Variants in MDGA2 observed in about 807,000 individuals in gnomAD.
MDGA2 encodes the protein MAM domain containing glycosylphosphatidylinositol anchor 2.
In MDGA2, 40 loss-of-function variants were observed where a neutral mutation model predicts 117.8. The ratio of observed to expected loss-of-function variants is 0.34; its 90% confidence interval spans 0.26 to 0.44. The LOEUF (loss-of-function observed/expected upper bound fraction) is 0.44, where lower values mean the gene tolerates loss of function less well. MDGA2 is among the 20% of genes least tolerant of loss of function. The pLI, the probability that MDGA2 is intolerant of heterozygous loss-of-function variation, is 1.00. For missense variants in MDGA2, 1,123 were observed against 1,250.6 expected, an observed-to-expected ratio of 0.90 and a Z score of 1.54; for synonymous variants, 452 against 439.0, an observed-to-expected ratio of 1.03 and a Z score of -0.37.
At chr14:47,348,972 G>A (rs962568293) in intron 1 of MDGA2, among the ~76,000 whole-genome samples, 12 of 152,098 alleles carry the variant, frequency 7.9e-5, no homozygotes, top group African/African-American at 2.9e-4. Context: ...TGAAAGGATG[G>A]AAAAAATAAA....
At chr14:47,411,072 A>G (rs980489552) in intron 1 of MDGA2, among the ~76,000 whole-genome samples, 2 of 152,166 alleles carry the variant, frequency 1.3e-5, no homozygotes, top group African/African-American at 4.8e-5. Context: ...TTTCCTATAG[A>G]CAGGTACATC....
intron 1 of MDGA2, among the ~76,000 whole-genome samples, chr14:47,642,649 G>GTATC (rs147439757): frequency 8.6e-5 from 13 of 151,874 alleles, no homozygotes; most frequent in African/African-American, 2.4e-4. Context: ...CCCTATCTAT[G>GTATC]TATCTATCTA....
chr14:46,916,616 T>C (rs1186414348), intron 10 of MDGA2, among the ~76,000 whole-genome samples: 1 of 152,148 alleles, frequency 6.6e-6, no homozygotes, highest in African/African-American at 2.4e-5. Flanking sequence ...AGATGTTTTA[T>C]GCAAGAGTTC....
At chr14:46,943,317 A>G (rs751254748) in intron 9 of MDGA2, among the ~76,000 whole-genome samples, 3 of 151,918 alleles carry the variant, frequency 2.0e-5, no homozygotes, top group Non-Finnish European at 4.4e-5. Context: ...TGTATCTTGT[A>G]GATAGTGCAT....
At chr14:47,074,031 CACAGT>C (rs1890392608) in intron 6 of MDGA2, among the ~76,000 whole-genome samples, 1 of 152,068 alleles carries the variant, frequency 6.6e-6, no homozygotes, top group Non-Finnish European at 1.5e-5. Flanking sequence ...AATTTTTCCT[CACAGT>C]AAAGTCTTTC....
In MDGA2 at chr14:47,161,921, C is replaced by T. The variant is rs567296281; in HGVS notation, c.596-17647G>A. On this transcript the variant is annotated intron_variant, in intron 3 of 16. Transcript: ENST00000399232. ...CATTAGATTTAAACACCCCCCTCCC[C>T]AGATCCTTTTTTTTTTTTTTTTTTT... Among the ~76,000 whole-genome samples, 15 of 138,442 alleles carry T rather than the reference C, an allele frequency of 1.1e-4. No individual in the cohort carries two copies. In the East Asian group the frequency reaches 2.6e-3, roughly 24 times the overall value. 90.8% of individuals were successfully genotyped at this position (138,442 alleles called of 152,430 possible).
chr14:47,600,363 G>A (rs908054838), intron 1 of MDGA2, among the ~76,000 whole-genome samples: 2 of 151,968 alleles, frequency 1.3e-5, no homozygotes, highest in Admixed American at 1.3e-4. Flanking sequence ...GAATCCGGGA[G>A]ACAGAGTTTG....
intron 1 of MDGA2, among the ~76,000 whole-genome samples, chr14:47,427,724 G>A (rs774916642): frequency 4.6e-5 from 7 of 151,992 alleles, no homozygotes; most frequent in Admixed American, 4.6e-4. Context: ...TCCTCAAGTG[G>A]TGAATTTGTT....
intron 5 of MDGA2, among the ~76,000 whole-genome samples, chr14:47,128,720 A>C (rs1882032486): frequency 6.9e-6 from 1 of 145,324 alleles, no homozygotes; most frequent in African/African-American, 2.6e-5. Flanking sequence ...TTTTTGAGAC[A>C]GTCTCTCACT....
intron 2 of MDGA2, among the ~76,000 whole-genome samples, chr14:47,241,178 TGTAACTA>T (rs1887026580): frequency 1.3e-5 from 2 of 151,934 alleles, no homozygotes; most frequent in Non-Finnish European, 2.9e-5. Flanking sequence ...TTAAAACAAG[TGTAACTA>T]ATTCAACTCT....
At chr14:47,068,689 C>G (rs970412786) in intron 6 of MDGA2, among the ~76,000 whole-genome samples, 8 of 152,058 alleles carry the variant, frequency 5.3e-5, no homozygotes, top group Middle Eastern at 3.4e-3. Flanking sequence ...TTATTAGTTG[C>G]TAAAGACCTA....
chr14:47,627,484 C>G (rs889291765), intron 1 of MDGA2, among the ~76,000 whole-genome samples: 3 of 152,180 alleles, frequency 2.0e-5, no homozygotes, highest in African/African-American at 7.2e-5. Flanking sequence ...CTGTGTCTAG[C>G]TCAGGGTTTG....
intron 6 of MDGA2, among the ~76,000 whole-genome samples, chr14:47,062,833 T>C (rs1235327182): frequency 6.6e-6 from 1 of 152,132 alleles, no homozygotes; most frequent in Non-Finnish European, 1.5e-5. Context: ...TTTTAAGTCT[T>C]AAAAACTTTT....
intron 9 of MDGA2, among the ~76,000 whole-genome samples, chr14:46,939,408 G>C (rs1447772487): frequency 6.6e-6 from 1 of 152,072 alleles, no homozygotes; most frequent in African/African-American, 2.4e-5. Context: ...CACTTAAAAA[G>C]TTTTTAACAA....
intron 1 of MDGA2, among the ~76,000 whole-genome samples, chr14:47,401,730 T>C (rs527860426): frequency 6.6e-6 from 1 of 152,294 alleles, no homozygotes; most frequent in African/African-American, 2.4e-5. Flanking sequence ...CTACATCTTC[T>C]GAGGCCATGT....
intron 1 of MDGA2, among the ~76,000 whole-genome samples, chr14:47,364,264 A>ATAGT (rs923115673): frequency 1.3e-5 from 2 of 152,132 alleles, no homozygotes; most frequent in African/African-American, 4.8e-5. Flanking sequence ...GAATTATATT[A>ATAGT]TATTTATTTA....
intron 8 of MDGA2, among the ~76,000 whole-genome samples, chr14:46,969,950 A>ATATATATG (rs1297770690): frequency 4.3e-5 from 1 of 23,328 alleles, no homozygotes; most frequent in Non-Finnish European, 1.2e-4. Context: ...ATATATATAT[A>ATATATATG]TATATATATA....
intron 1 of MDGA2, among the ~76,000 whole-genome samples, chr14:47,449,436 A>G (rs1015877572): frequency 6.6e-6 from 1 of 152,146 alleles, no homozygotes; most frequent in Non-Finnish European, 1.5e-5. Flanking sequence ...TAGTCTTTTC[A>G]TAAGTAGGGA....
At chr14:47,000,485 T>C (rs12897120) in intron 8 of MDGA2, among the ~76,000 whole-genome samples, 1 of 145,736 alleles carries the variant, frequency 6.9e-6, no homozygotes, top group African/African-American at 2.5e-5. Context: ...GGTTGCAAGA[T>C]CTTTGTAAGT....
Sources: gnomAD v4.1 joint callset for allele counts (sites outside exome capture counted in the v4.1 genomes callset) on GRCh38, gnomAD v4.1.1 for gene constraint, MANE v1.5 for transcripts, NCBI Gene and HGNC (gene_info 2026-07-23, HGNC 2026-07-21) for gene names.